Variants in AMPH observed in about 807,000 individuals in gnomAD.
The protein encoded by AMPH is amphiphysin (Stiff-Mann syndrome with breast cancer 128kD autoantigen).
Under a neutral mutation model 99.1 loss-of-function variants are expected in AMPH, and 49 were observed. That is an observed-to-expected ratio of 0.49 (90% CI 0.39 to 0.63). The LOEUF (loss-of-function observed/expected upper bound fraction) is 0.63, where lower values mean the gene tolerates loss of function less well. Among genes scored for constraint, AMPH ranks in the 20% least tolerant of loss-of-function variants. The pLI, the probability that AMPH is intolerant of heterozygous loss-of-function variation, is 0.00. For synonymous variants in AMPH, 314 were observed against 317.3 expected, an observed-to-expected ratio of 0.99 and a Z score of 0.11; for missense variants, 759 against 863.4, an observed-to-expected ratio of 0.88 and a Z score of 1.52.
chr7:38,606,802 C>T (rs1793452489), intron 1 of AMPH, among the ~76,000 whole-genome samples: 1 of 151,942 alleles, frequency 6.6e-6, no homozygotes. Context: ...CTTGAACTCT[C>T]GGCCTCAAGC....
intron 17 of AMPH, among the ~76,000 whole-genome samples, chr7:38,412,990 T>A (rs1785257365): frequency 6.6e-6 from 1 of 152,172 alleles, no homozygotes; most frequent in African/African-American, 2.4e-5. Context: ...CCATTGCCAT[T>A]TCTGACATGA....
intron 3 of AMPH, among the ~76,000 whole-genome samples, chr7:38,501,132 G>A (rs1284108957): frequency 6.6e-6 from 1 of 152,164 alleles, no homozygotes; most frequent in Non-Finnish European, 1.5e-5. Context: ...ATCTGGCCCT[G>A]TTGTTTCCTT....
At chr7:38,591,261 C>T (rs1370730263) in intron 1 of AMPH, among the ~76,000 whole-genome samples, 2 of 150,926 alleles carry the variant, frequency 1.3e-5, no homozygotes, top group Non-Finnish European at 2.9e-5. Flanking sequence ...AGCCCAATGC[C>T]TCCTTTCTTT....
In AMPH at chr7:38,503,656, T is replaced by C. The variant is rs1789227999; in HGVS notation, c.199A>G (p.Ile67Val). ...AACAACTCATACACATTACCTTTGATTGCTGCTAAATATCCTCGGAGTTCT... is the reference window on the plus strand; with the variant it reads ...AACAACTCATACACATTACCTTTGACTGCTGCTAAATATCCTCGGAGTTCT... ...QRELRGYLAA[I>V]KGMQEASMKL... is the part of the protein sequence containing the mutation. The change falls in exon 3 of 21, where the codon ATC (isoleucine) becomes GTC (valine). Residue 67 changes from isoleucine to valine, a missense_variant. Ile to Val is a conservative substitution (Grantham distance 29). Transcript: ENST00000356264. 1 of 1,614,000 alleles carries C rather than the reference T, an allele frequency of 6.2e-7. No individual in the cohort carries two copies. Among genetic ancestry groups the C allele is most frequent in the Non-Finnish European group, 8.5e-7 (1 of 1,179,910 alleles).
At chr7:38,580,930 G>A (rs1351319426) in intron 1 of AMPH, among the ~76,000 whole-genome samples, 2 of 152,034 alleles carry the variant, frequency 1.3e-5, no homozygotes, top group African/African-American at 4.8e-5. Context: ...GCATACTCTG[G>A]AAAAACTTGG....
intron 16 of AMPH, among the ~76,000 whole-genome samples, chr7:38,420,340 A>G: frequency 6.6e-6 from 1 of 152,244 alleles, no homozygotes; most frequent in East Asian, 1.9e-4. Context: ...GAGAGATTTA[A>G]TATAGTCCTG....
At chr7:38,408,255 T>C in intron 17 of AMPH, among the ~76,000 whole-genome samples, 1 of 152,242 alleles carries the variant, frequency 6.6e-6, no homozygotes, top group East Asian at 1.9e-4. Flanking sequence ...TGACAAAGAA[T>C]GTGAGTGTAT....
rs577768087 is a variant in AMPH at position 38,466,445 on chromosome 7, T to C, written c.591-197A>G. 6.6e-5 allele frequency among the ~76,000 whole-genome samples: 10 copies of C among 152,166 alleles called. No individual in the cohort carries two copies. The South Asian group carries it at 1.5e-3, about 22-fold the overall frequency. ...GTTAATGAACAAAAACAAGTATCTT[T>C]TGGCATAGAGCATGACCTCTCCTAA... On this transcript the variant is annotated intron_variant, in intron 7 of 20. Coordinates refer to ENST00000356264, the MANE Select transcript of AMPH (RefSeq NM_001635.4).
At chr7:38,537,437 A>G (rs933178745) in intron 1 of AMPH, among the ~76,000 whole-genome samples, 1 of 152,200 alleles carries the variant, frequency 6.6e-6, no homozygotes, top group Non-Finnish European at 1.5e-5. Context: ...AACTTCACCA[A>G]TGTATAAGCT....
intron 9 of AMPH, chr7:38,463,333 T>C: frequency 1.5e-6 from 1 of 664,226 alleles, no homozygotes; most frequent in Non-Finnish European, 2.7e-6. Context: ...TCTTTTGTCT[T>C]CACAGTAGCC....
chr7:38,440,625 G>T (rs1786469987), intron 11 of AMPH, among the ~76,000 whole-genome samples: 1 of 152,024 alleles, frequency 6.6e-6, no homozygotes, highest in African/African-American at 2.4e-5. Flanking sequence ...GACAAAAATT[G>T]CATAAAAAAC....
At chr7:38,505,531 C>A (rs1318797838) in intron 2 of AMPH, among the ~76,000 whole-genome samples, 2 of 152,122 alleles carry the variant, frequency 1.3e-5, no homozygotes, top group African/African-American at 4.8e-5. Context: ...AATCAAAACT[C>A]AAGGTTTCTA....
intron 1 of AMPH, among the ~76,000 whole-genome samples, chr7:38,622,454 T>TACAC (rs57860314): frequency 0.14 from 21,448 of 149,472 alleles, 1,808 homozygotes; most frequent in African/African-American, 0.23. Flanking sequence ...TATGAATACA[T>TACAC]ACACACACAC....
At position 38,406,731 on chromosome 7, in the gene AMPH, C is replaced by CTCTCTCTCTCTCT. The variant is rs1562732477; in HGVS notation, c.1398+11093_1398+11094insAGAGAGAGAGAGA. On this transcript the variant is annotated intron_variant, in intron 17 of 20. Transcript: ENST00000356264. ...CTCCTCTCCTCTCTCTCTCCCTTTC[C>CTCTCTCTCTCTCT]CTCTCTCTCTCTCTCTCTCTCTCTC... 3.0e-3 allele frequency among the ~76,000 whole-genome samples: 240 copies of CTCTCTCTCTCTCT among 80,580 alleles called. 41 individuals are homozygous for CTCTCTCTCTCTCT. The highest frequency in any genetic ancestry group is 0.02 in the East Asian group (49 of 2,414). The allele number at this position is 80,580 out of a possible 152,430, so 52.9% of individuals were successfully genotyped here. A position where few individuals can be genotyped will look rare whatever the true frequency, so the allele number is the denominator to read the frequency against.
chr7:38,631,258 C>T (rs1293673656), intron 1 of AMPH, 25 bp downstream of exon 1: 1 of 1,512,328 alleles, frequency 6.6e-7, no homozygotes, highest in Non-Finnish European at 8.8e-7. Flanking sequence ...GTCCCCGGCC[C>T]CAGCCCCGGC....
intron 12 of AMPH, among the ~76,000 whole-genome samples, chr7:38,433,708 G>T (rs1297769958): frequency 2.2e-5 from 1 of 44,684 alleles, no homozygotes; most frequent in African/African-American, 1.1e-4. Flanking sequence ...CTGGGCAACA[G>T]AGCGAGACTC....
chr7:38,395,361 T>C (rs2128976655), intron 17 of AMPH, among the ~76,000 whole-genome samples: 1 of 152,178 alleles, frequency 6.6e-6, no homozygotes, highest in East Asian at 1.9e-4. Flanking sequence ...AAAATCATAG[T>C]TTAGGTCCAG....
At chr7:38,614,258 TG>T (rs1192691295) in intron 1 of AMPH, among the ~76,000 whole-genome samples, 1 of 152,222 alleles carries the variant, frequency 6.6e-6, no homozygotes, top group Non-Finnish European at 1.5e-5. Flanking sequence ...GAATTGATAC[TG>T]GGGGCAACCT....
At chr7:38,553,250 G>A (rs1791241664) in intron 1 of AMPH, among the ~76,000 whole-genome samples, 1 of 152,222 alleles carries the variant, frequency 6.6e-6, no homozygotes, top group African/African-American at 2.4e-5. Flanking sequence ...CAACTCCACT[G>A]TGGATTCCCT....
Sources: gnomAD v4.1 joint callset for allele counts (sites outside exome capture counted in the v4.1 genomes callset) on GRCh38, gnomAD v4.1.1 for gene constraint, MANE v1.5 for transcripts, NCBI Gene and HGNC (gene_info 2026-07-23, HGNC 2026-07-21) for gene names.